GAS2: variants seen among roughly 807,000 people sequenced by gnomAD.
GAS2 encodes growth arrest specific 2.
A neutral mutation model predicts 37.5 loss-of-function variants in GAS2; 20 were observed. The observed-to-expected ratio is 0.53, with a 90% CI of 0.37 to 0.77. GAS2 has a LOEUF of 0.77. GAS2 is among the 30% of genes least tolerant of loss of function. The pLI is 0.00. For missense variants in GAS2, 336 were observed against 373.4 expected (o/e 0.90, Z 0.82); for synonymous variants, 144 against 132.2 (o/e 1.09, Z -0.61).
chr11:22,724,846 C>T (rs1409986928), intron 3 of GAS2, among the ~76,000 whole-genome samples: 2 of 151,820 alleles, frequency 1.3e-5, no homozygotes, highest in African/African-American at 4.8e-5. Context: ...CCACAAAATC[C>T]CTGGAACTCT....
At chr11:22,724,341 T>C in intron 3 of GAS2, among the ~76,000 whole-genome samples, 1 of 152,008 alleles carries the variant, frequency 6.6e-6, no homozygotes, top group Non-Finnish European at 1.5e-5. Flanking sequence ...TATGTCATTC[T>C]ACCAGCTCTC....
chr11:22,655,761 A>C (rs761671809), intron 1 of GAS2, among the ~76,000 whole-genome samples: 1 of 152,180 alleles, frequency 6.6e-6, no homozygotes, highest in Admixed American at 6.5e-5. Context: ...AACAAACCAA[A>C]CCATAAGATG....
At chr11:22,665,548 A>G (rs1416889726), upstream of GAS2, among the ~76,000 whole-genome samples, 1 of 152,202 alleles carries the variant, frequency 6.6e-6, no homozygotes, top group African/African-American at 2.4e-5. Flanking sequence ...CTTAAAATTA[A>G]GAATAACTAT....
intron 3 of GAS2, among the ~76,000 whole-genome samples, chr11:22,691,252 A>G (rs1395165954): frequency 1.3e-5 from 2 of 152,202 alleles, no homozygotes; most frequent in African/African-American, 2.4e-5. Flanking sequence ...TAGAATGCCT[A>G]CAATACATTT....
chr11:22,641,312 A>ATTTATATGTC (rs1848626460), intron 1 of GAS2, among the ~76,000 whole-genome samples: 1 of 64,408 alleles, frequency 1.6e-5, no homozygotes, highest in Non-Finnish European at 4.8e-5. Context: ...CTTTATATAT[A>ATTTATATGTC]TTTATATATC....
intron 1 of GAS2, among the ~76,000 whole-genome samples, chr11:22,636,726 C>T (rs75931835): frequency 6.6e-6 from 1 of 151,520 alleles, no homozygotes; most frequent in South Asian, 2.1e-4. Context: ...AATAGATGAA[C>T]ATTAATTAAT....
intron 6 of GAS2, chr11:22,755,583 G>C: frequency 3.3e-6 from 1 of 300,312 alleles, no homozygotes; most frequent in Non-Finnish European, 6.2e-6. Context: ...AATTTCAGTT[G>C]GTTTCCTGCT....
intron 1 of GAS2, among the ~76,000 whole-genome samples, chr11:22,669,528 G>A (rs532856984): frequency 6.6e-6 from 1 of 152,148 alleles, no homozygotes; most frequent in South Asian, 2.1e-4. Context: ...ATGGGACTGT[G>A]GGATAAGAAA....
upstream of GAS2, among the ~76,000 whole-genome samples, chr11:22,664,716 A>G (rs956138744): frequency 6.6e-5 from 10 of 152,178 alleles, no homozygotes; most frequent in Admixed American, 2.0e-4. Flanking sequence ...TATCTTTGAC[A>G]AATATATCAG....
intron 7 of GAS2, among the ~76,000 whole-genome samples, chr11:22,783,052 A>G (rs1179947361): frequency 6.6e-6 from 1 of 152,154 alleles, no homozygotes; most frequent in Non-Finnish European, 1.5e-5. Context: ...GGACTAATTT[A>G]CATACCTCAC....
intron 3 of GAS2, among the ~76,000 whole-genome samples, chr11:22,687,116 G>T (rs903966389): frequency 6.6e-6 from 1 of 151,964 alleles, no homozygotes; most frequent in Non-Finnish European, 1.5e-5. Context: ...GCTTGAGCTC[G>T]GGAGTCGAGA....
At chr11:22,663,673 C>A (rs372932069), upstream of GAS2, among the ~76,000 whole-genome samples, 1 of 151,780 alleles carries the variant, frequency 6.6e-6, no homozygotes, top group East Asian at 1.9e-4. Flanking sequence ...GGAGAGTAAA[C>A]CTTGAACTTT....
At chr11:22,682,750 T>C (rs1023675934) in intron 2 of GAS2, among the ~76,000 whole-genome samples, 1 of 151,360 alleles carries the variant, frequency 6.6e-6, no homozygotes, top group African/African-American at 2.4e-5. Flanking sequence ...TGGTAGTGCA[T>C]GCCTGTAGTC....
chr11:22,645,775 A>G (rs920780546), intron 1 of GAS2, among the ~76,000 whole-genome samples: 1 of 151,876 alleles, frequency 6.6e-6, no homozygotes, highest in African/African-American at 2.4e-5. Context: ...TAGTTCAGAT[A>G]AAGTTTTCTG....
chr11:22,685,813 C>A (rs780338951), intron 3 of GAS2, 24 bp downstream of exon 3: 2 of 1,606,008 alleles, frequency 1.2e-6, no homozygotes, highest in South Asian at 1.1e-5. Flanking sequence ...ATGCAAAAAT[C>A]ACTCTTAGGT....
chr11:22,770,214 A>G (rs1854906894), intron 7 of GAS2, among the ~76,000 whole-genome samples: 1 of 152,202 alleles, frequency 6.6e-6, no homozygotes, highest in Non-Finnish European at 1.5e-5. Flanking sequence ...TTTAAAACCT[A>G]GGTGACAGCT....
chr11:22,643,019 A>AT (rs1350982260), intron 1 of GAS2, among the ~76,000 whole-genome samples: 1 of 151,924 alleles, frequency 6.6e-6, no homozygotes, highest in Non-Finnish European at 1.5e-5. Context: ...CTATTTTTAT[A>AT]TTTTGGCTCC....
At chr11:22,781,071 A>G (rs1347038481) in intron 7 of GAS2, among the ~76,000 whole-genome samples, 1 of 152,222 alleles carries the variant, frequency 6.6e-6, no homozygotes, top group African/African-American at 2.4e-5. Context: ...AACCTGAGAA[A>G]AAAAGCAGAT....
intron 1 of GAS2, among the ~76,000 whole-genome samples, chr11:22,652,205 T>TG (rs946061792): frequency 6.6e-6 from 1 of 152,168 alleles, no homozygotes; most frequent in Non-Finnish European, 1.5e-5. Flanking sequence ...GTGCCCCTGC[T>TG]GGGGGTGCCT....
Sources: gnomAD v4.1 joint callset for allele counts (sites outside exome capture counted in the v4.1 genomes callset) on GRCh38, gnomAD v4.1.1 for gene constraint, MANE v1.5 for transcripts, NCBI Gene and HGNC (gene_info 2026-07-23, HGNC 2026-07-21) for gene names.